The following AP2B1 variants were observed in gnomAD, a reference collection of about 807,000 sequenced individuals.
The protein encoded by AP2B1 is adaptor related protein complex 2 subunit beta 1, also known as AP-2 complex subunit beta.
A neutral mutation model predicts 102.0 loss-of-function variants in AP2B1; 23 were observed. That is an observed-to-expected ratio of 0.23 (90% CI 0.16 to 0.32). AP2B1 has a LOEUF of 0.32. Among genes scored for constraint, AP2B1 ranks in the 10% least tolerant of loss-of-function variants. The pLI is 1.00. For missense variants in AP2B1, 541 were observed against 1,157.4 expected, an observed-to-expected ratio of 0.47 and a Z score of 7.73; for synonymous variants, 381 against 421.2, an observed-to-expected ratio of 0.90 and a Z score of 1.17.
At chr17:35,720,566 TATA>T (rs1250063270) in intron 21 of AP2B1, among the ~76,000 whole-genome samples, 25 of 54,792 alleles carry the variant, frequency 4.6e-4, no homozygotes, top group African/African-American at 8.5e-4. Flanking sequence ...TATATATATA[TATA>T]TATATTTTTT....
At position 35,656,185 on chromosome 17, in the gene AP2B1, G is replaced by T. The variant is rs551738949; in HGVS notation, c.1797-1414G>T. 4.1e-4 allele frequency among the ~76,000 whole-genome samples: 62 copies of T among 152,194 alleles called. 1 individual carries two copies. Among genetic ancestry groups the T allele is most frequent in the African/African-American group, 1.3e-3 (52 of 41,524 alleles). ...CCATTATCTTCTCCAAGCTTATAAA[G>T]ATGCTACTCTAGGTTTTCAACTAGG... On this transcript the variant is annotated intron_variant, in intron 13 of 21. Coordinates refer to ENST00000610402, the MANE Select transcript of AP2B1 (RefSeq NM_001030006.2).
chr17:35,676,243 T>C (rs1327523133), intron 17 of AP2B1, among the ~76,000 whole-genome samples: 2 of 152,304 alleles, frequency 1.3e-5, no homozygotes, highest in African/African-American at 4.8e-5. Context: ...TTTTAGTTAT[T>C]TATTTTTCTT....
chr17:35,707,161 T>G (rs1269182279), intron 18 of AP2B1, among the ~76,000 whole-genome samples: 2 of 146,236 alleles, frequency 1.4e-5, no homozygotes, highest in African/African-American at 2.5e-5. Flanking sequence ...TGTTGTTTTG[T>G]TTTTTGTTGT....
chr17:35,710,096 G>A, intron 19 of AP2B1, 138 bp from the exon 20 acceptor site: 1 of 700,896 alleles, frequency 1.4e-6, no homozygotes, highest in South Asian at 1.5e-5. Context: ...GTAGAGCTCA[G>A]CATTGGCTCC....
At chr17:35,717,546 A>G (rs1212538891) in intron 21 of AP2B1, among the ~76,000 whole-genome samples, 197 bp downstream of exon 21, 4 of 152,204 alleles carry the variant, frequency 2.6e-5, no homozygotes, top group African/African-American at 9.7e-5. Flanking sequence ...TCCAACAGGA[A>G]TGGTATCTCT....
intron 17 of AP2B1, among the ~76,000 whole-genome samples, chr17:35,675,245 A>G (rs1486654608): frequency 6.6e-6 from 1 of 152,238 alleles, no homozygotes; most frequent in African/African-American, 2.4e-5. Flanking sequence ...TTAGACCTTA[A>G]TGGCATGTCC....
At chr17:35,594,575 A>AT in intron 2 of AP2B1, among the ~76,000 whole-genome samples, 1 of 152,324 alleles carries the variant, frequency 6.6e-6, no homozygotes, top group African/African-American at 2.4e-5. Flanking sequence ...TATGATTTAA[A>AT]ATTTTTTTAT....
chr17:35,668,597 A>T (rs902135090), intron 14 of AP2B1, among the ~76,000 whole-genome samples: 4 of 152,216 alleles, frequency 2.6e-5, no homozygotes, highest in Non-Finnish European at 5.9e-5. Context: ...GGTTTTTATG[A>T]AGGGGAAATT....
chr17:35,649,873 T>C (rs1260955801), intron 12 of AP2B1, among the ~76,000 whole-genome samples: 1 of 152,126 alleles, frequency 6.6e-6, no homozygotes, highest in East Asian at 1.9e-4. Context: ...GTGATCCTCC[T>C]CCCTCAGTTT....
chr17:35,726,280 G>C lies in AP2B1; in HGVS notation c.*2581G>C, dbSNP rs587618462. ...TGAGACTCTGGAAAGAAATGGGGAG[G>C]GGGGGCAGGGGAAATGTTGCCCTAA... On this transcript the variant is annotated 3_prime_UTR_variant, in exon 22 of 22. Transcript: ENST00000610402. 3.4e-4 allele frequency: 52 copies of C among 151,902 alleles called. No individual in the cohort carries two copies. The highest frequency in any genetic ancestry group is 1.0e-3 in the African/African-American group (43 of 41,422). 9.4% of individuals were successfully genotyped at this position (151,902 alleles called of 1,614,324 possible).
chr17:35,697,506 C>G (rs1172781907), intron 18 of AP2B1, among the ~76,000 whole-genome samples: 3 of 152,116 alleles, frequency 2.0e-5, no homozygotes, highest in Non-Finnish European at 2.9e-5. Flanking sequence ...TGAGGAAGTT[C>G]AAGGATGCTC....
chr17:35,608,114 T>C (rs1379508633), intron 4 of AP2B1, 28 bp from the exon 5 acceptor site: 1 of 1,611,528 alleles, frequency 6.2e-7, no homozygotes, highest in Non-Finnish European at 8.5e-7. Flanking sequence ...CATGTATACC[T>C]ACAGTTGTTG....
chr17:35,647,448 CT>C (rs886335976), intron 12 of AP2B1, among the ~76,000 whole-genome samples: 2 of 151,732 alleles, frequency 1.3e-5, no homozygotes, highest in African/African-American at 4.8e-5. Flanking sequence ...ATCACTGTTT[CT>C]TTTTTTTAAC....
intron 2 of AP2B1, among the ~76,000 whole-genome samples, chr17:35,595,732 C>T (rs1272132075): frequency 6.6e-6 from 1 of 152,036 alleles, no homozygotes; most frequent in Non-Finnish European, 1.5e-5. Context: ...CTCTTTGGTC[C>T]TGCCCAACTT....
intron 14 of AP2B1, among the ~76,000 whole-genome samples, chr17:35,665,754 G>A (rs575343243): frequency 6.6e-6 from 1 of 152,294 alleles, no homozygotes; most frequent in South Asian, 2.1e-4. Flanking sequence ...CTAAACAGGA[G>A]CATAGAAATG....
At chr17:35,673,556 C>T (rs1567956561) in intron 16 of AP2B1, among the ~76,000 whole-genome samples, 1 of 151,848 alleles carries the variant, frequency 6.6e-6, no homozygotes, top group Non-Finnish European at 1.5e-5. Flanking sequence ...GACCAAGGGG[C>T]GTGTTATGAA....
intron 17 of AP2B1, among the ~76,000 whole-genome samples, chr17:35,677,674 A>G (rs1439913011): frequency 1.3e-5 from 2 of 152,130 alleles, no homozygotes; most frequent in African/African-American, 4.8e-5. Context: ...AATTGCAGTG[A>G]ATAAGTAGAT....
At chr17:35,687,896 C>A (rs2075968334) in intron 18 of AP2B1, among the ~76,000 whole-genome samples, 1 of 152,122 alleles carries the variant, frequency 6.6e-6, no homozygotes, top group South Asian at 2.1e-4. Flanking sequence ...GAAGCTGAGC[C>A]ATATATTAAA....
At chr17:35,621,302 G>A (rs1486115569) in intron 5 of AP2B1, 3 of 985,210 alleles carry the variant, frequency 3.0e-6, no homozygotes, top group Admixed American at 1.2e-4. Context: ...TTTATTTTAA[G>A]TTTTCATTGA....
Sources: gnomAD v4.1 joint callset for allele counts (sites outside exome capture counted in the v4.1 genomes callset) on GRCh38, gnomAD v4.1.1 for gene constraint, MANE v1.5 for transcripts, NCBI Gene and HGNC (gene_info 2026-07-23, HGNC 2026-07-21) for gene names.